RGSL1: variants seen among roughly 807,000 people sequenced by gnomAD.
RGSL1 encodes regulator of G protein signaling like 1.
A neutral mutation model predicts 124.7 loss-of-function variants in RGSL1; 97 were observed. The ratio of observed to expected loss-of-function variants is 0.78; its 90% CI spans 0.66 to 0.92. The LOEUF (loss-of-function observed/expected upper bound fraction) is 0.92. Ranked by LOEUF, RGSL1 falls within the 40% of genes least tolerant of loss-of-function variation. RGSL1 has a pLI of 0.00. For synonymous variants in RGSL1, 424 were observed against 438.1 expected, an observed-to-expected ratio of 0.97 and a Z score of 0.40; for missense variants, 1,233 against 1,288.4, an observed-to-expected ratio of 0.96 and a Z score of 0.66.
chr1:182,468,628 G>A (rs559344889), intron 4 of RGSL1, among the ~76,000 whole-genome samples: 1 of 152,180 alleles, frequency 6.6e-6, no homozygotes, highest in Admixed American at 6.5e-5. Context: ...AGGGTTGAGG[G>A]GGAGGGATAG....
At chr1:182,481,808 T>C (rs1483788310) in intron 6 of RGSL1, among the ~76,000 whole-genome samples, 1 of 152,126 alleles carries the variant, frequency 6.6e-6, no homozygotes, top group African/African-American at 2.4e-5. Context: ...GACAAAACTC[T>C]GTGTTTATAA....
At chr1:182,496,146 G>T (rs1655894366) in intron 9 of RGSL1, among the ~76,000 whole-genome samples, 1 of 151,964 alleles carries the variant, frequency 6.6e-6, no homozygotes, top group African/African-American at 2.4e-5. Flanking sequence ...GGTGAAGGGG[G>T]AGCCAGAACT....
Position 182,541,684 on chromosome 1 carries a change from G to A in RGSL1, c.2669+1263G>A, listed in dbSNP as rs146202970. Among the ~76,000 whole-genome samples the A allele has an allele frequency of 6.2e-4, 94 of 152,148 alleles. No homozygotes were observed. The East Asian group carries it at 0.017, about 27-fold the overall frequency. On this transcript the variant is annotated intron_variant, in intron 15 of 21. Coordinates refer to ENST00000294854, the MANE Select transcript of RGSL1 (RefSeq NM_001137669.2). ...TTCCACAGTGGCTATACTAATTTAC[G>A]TTGCCACCAACCAGGTACAAGGTTT...
chr1:182,493,014 C>A lies in RGSL1; in HGVS notation c.1718-8C>A. 1 of 1,528,050 alleles carries A rather than the reference C, an allele frequency of 6.5e-7. No homozygotes were observed. The highest frequency in any genetic ancestry group is 8.9e-7 in the Non-Finnish European group (1 of 1,125,430). The allele number at this position is 1,528,050 out of a possible 1,614,324, so 94.7% of individuals were successfully genotyped here. A position where few individuals can be genotyped will look rare whatever the true frequency, so the allele number is the denominator to read the frequency against. On this transcript the variant is annotated splice_region_variant and splice_polypyrimidine_tract_variant and intron_variant, in intron 8 of 21. Coordinates refer to ENST00000294854, the MANE Select transcript of RGSL1 (RefSeq NM_001137669.2). ...TAAACTCTATCTCTGTTTTTCCTTACTTCACAGACATAACTAAAATGTCCT... is the reference window on the plus strand; with the variant it reads ...TAAACTCTATCTCTGTTTTTCCTTAATTCACAGACATAACTAAAATGTCCT...
At chr1:182,471,964 G>C (rs1438535153) in intron 4 of RGSL1, among the ~76,000 whole-genome samples, 2 of 152,168 alleles carry the variant, frequency 1.3e-5, no homozygotes, top group Non-Finnish European at 2.9e-5. Context: ...CAGAGTTCAG[G>C]CCTGGCCAAG....
At chr1:182,547,385 G>C (rs1660277403) in intron 15 of RGSL1, among the ~76,000 whole-genome samples, 1 of 152,274 alleles carries the variant, frequency 6.6e-6, no homozygotes, top group Non-Finnish European at 1.5e-5. Context: ...AAAGGATGTG[G>C]GGGAGGTAAT....
At chr1:182,548,848 GACTGTT>G (rs1451273543) in intron 17 of RGSL1, 24 bp downstream of exon 17, 1 of 1,550,826 alleles carries the variant, frequency 6.4e-7, no homozygotes, top group Admixed American at 2.0e-5. Flanking sequence ...CTTATTCAGT[GACTGTT>G]AGGTCAGGAA....
chr1:182,492,313 C>G (rs555716687), intron 8 of RGSL1, among the ~76,000 whole-genome samples: 2 of 152,238 alleles, frequency 1.3e-5, no homozygotes, highest in African/African-American at 4.8e-5. Context: ...GGCAAAAACC[C>G]GTCTCTGCAA....
chr1:182,477,059 G>A (rs74469221), intron 6 of RGSL1, among the ~76,000 whole-genome samples: 2,156 of 152,270 alleles, frequency 0.014, 45 homozygotes, highest in African/African-American at 0.046. Context: ...CCCAGCTTTT[G>A]TTCACCCATA....
In RGSL1 at chr1:182,509,498, C is replaced by T. The variant is rs1487156260; in HGVS notation, c.1826-12506C>T. On this transcript the variant is annotated intron_variant, in intron 9 of 21. Transcript: ENST00000294854. ...GGCTGGCCAGGCGGGGGGCTGACCCCCCCACCTCCCTCCCGGACGGGGCAG... is the reference window on the plus strand; with the variant it reads ...GGCTGGCCAGGCGGGGGGCTGACCCTCCCACCTCCCTCCCGGACGGGGCAG... 3.3e-3 allele frequency among the ~76,000 whole-genome samples: 280 copies of T among 85,732 alleles called. 13 individuals carry two copies. The highest frequency in any genetic ancestry group is 0.012 in the African/African-American group (208 of 17,982). 56.2% of individuals were successfully genotyped at this position (85,732 alleles called of 152,430 possible). A position where few individuals can be genotyped will look rare whatever the true frequency, so the allele number is the denominator to read the frequency against.
chr1:182,488,189 T>A, intron 6 of RGSL1, 96 bp from the exon 7 acceptor site: 1 of 1,207,784 alleles, frequency 8.3e-7, no homozygotes, highest in Non-Finnish European at 1.2e-6. Context: ...GAACCCAGAA[T>A]CTTCAGCCTA....
chr1:182,460,818 C>G, intron 4 of RGSL1: 1 of 435,286 alleles, frequency 2.3e-6, no homozygotes, highest in Non-Finnish European at 4.6e-6. Flanking sequence ...AAACTTTAGA[C>G]AGTAAATTGT....
intron 6 of RGSL1, among the ~76,000 whole-genome samples, chr1:182,480,845 A>G (rs1021518811): frequency 6.6e-6 from 1 of 152,152 alleles, no homozygotes. Flanking sequence ...AGAATTAAAC[A>G]ACACACTTTT....
In RGSL1 at chr1:182,556,162, GA is replaced by G. The variant is rs1660851785; in HGVS notation, c.*108del. The G allele has an allele frequency of 1.7e-6, 2 of 1,169,680 alleles. No individual in the cohort carries two copies. The highest frequency in any genetic ancestry group is 2.4e-6 in the Non-Finnish European group (2 of 824,792). 72.5% of individuals were successfully genotyped at this position (1,169,680 alleles called of 1,614,324 possible). ...AAAGGTCCTGGTACCATCTTCCCCAGAAACGATCAAGAAGGGCAATGGGTTG... is the reference window on the plus strand; with the variant it reads ...AAAGGTCCTGGTACCATCTTCCCCAGAACGATCAAGAAGGGCAATGGGTTG... On this transcript the variant is annotated 3_prime_UTR_variant, in exon 21 of 22. Coordinates refer to ENST00000294854, the MANE Select transcript of RGSL1 (RefSeq NM_001137669.2).
intron 8 of RGSL1, among the ~76,000 whole-genome samples, chr1:182,491,126 C>T (rs1655494496): frequency 1.3e-5 from 2 of 151,764 alleles, no homozygotes. Context: ...GGGCTGAAGC[C>T]ATCCTCCTGT....
intron 15 of RGSL1, among the ~76,000 whole-genome samples, chr1:182,545,111 G>T (rs181393406): frequency 6.6e-6 from 1 of 151,900 alleles, no homozygotes; most frequent in East Asian, 1.9e-4. Context: ...ATTTTCTCTG[G>T]TACTGTATTT....
chr1:182,466,301 A>G (rs943533994), intron 4 of RGSL1, among the ~76,000 whole-genome samples: 1 of 152,144 alleles, frequency 6.6e-6, no homozygotes, highest in Admixed American at 6.5e-5. Context: ...CCATACTGGA[A>G]ACTCTCACCA....
chr1:182,515,552 A>AGGGG (rs1316033045), intron 9 of RGSL1, among the ~76,000 whole-genome samples: 10 of 53,380 alleles, frequency 1.9e-4, no homozygotes, highest in African/African-American at 6.3e-4. Flanking sequence ...AAAAAAAAAA[A>AGGGG]AGGGGGGGGC....
chr1:182,515,081 G>C (rs894531398), intron 9 of RGSL1, among the ~76,000 whole-genome samples: 1 of 152,116 alleles, frequency 6.6e-6, no homozygotes, highest in African/African-American at 2.4e-5. Flanking sequence ...TTTCATCCCC[G>C]AGTCCCAGCA....
Sources: gnomAD v4.1 joint callset for allele counts (sites outside exome capture counted in the v4.1 genomes callset) on GRCh38, gnomAD v4.1.1 for gene constraint, MANE v1.5 for transcripts, NCBI Gene and HGNC (gene_info 2026-07-23, HGNC 2026-07-21) for gene names.